The following EML1 variants were observed in gnomAD, a reference collection of about 807,000 sequenced individuals.
The protein encoded by EML1 is echinoderm microtubule-associated protein-like 1.
A neutral mutation model predicts 110.4 loss-of-function variants in EML1; 27 were observed. That is an observed-to-expected ratio of 0.24 (90% CI 0.18 to 0.34). The LOEUF (loss-of-function observed/expected upper bound fraction) is 0.34. EML1 is among the 10% of genes least tolerant of loss of function. The pLI is 1.00. For synonymous variants in EML1, 344 were observed against 385.8 expected (o/e 0.89, Z 1.27); for missense variants, 741 against 1,030.9 (o/e 0.72, Z 3.85).
chr14:99,841,125 G>C (rs776182546), intron 1 of EML1, among the ~76,000 whole-genome samples: 1 of 152,206 alleles, frequency 6.6e-6, no homozygotes, highest in Admixed American at 6.5e-5. Flanking sequence ...GCCACTGGTC[G>C]TGTGCTGCCA....
At chr14:99,809,885 G>C (rs1262177146) in intron 1 of EML1, among the ~76,000 whole-genome samples, 1 of 152,178 alleles carries the variant, frequency 6.6e-6, no homozygotes, top group Non-Finnish European at 1.5e-5. Context: ...CTAATGTATG[G>C]TGTATGCCCT....
Position 99,747,426 on chromosome 14 carries a change from G to T in EML1, c.28+9566G>T, listed in dbSNP as rs377515069. On this transcript the variant is annotated intron_variant, in intron 1 of 10. Coordinates refer to the EML1 transcript ENST00000554479. ...GAATGGCAGCTGTCTGGCCTGATGG[G>T]GGGCAGGGGTCTGAGGGGGAAGGAG... Among the ~76,000 whole-genome samples, 655 of 152,192 alleles carry T rather than the reference G, an allele frequency of 4.3e-3. 6 individuals carry two copies. Among genetic ancestry groups the T allele is most frequent in the African/African-American group, 0.015 (616 of 41,506 alleles).
chr14:99,862,236 T>G (rs1262538004), intron 2 of EML1, among the ~76,000 whole-genome samples: 1 of 152,204 alleles, frequency 6.6e-6, no homozygotes, highest in Non-Finnish European at 1.5e-5. Context: ...TAAAGTGCCA[T>G]TCTCATCTTA....
chr14:99,795,275 C>G (rs1441933722), intron 1 of EML1, among the ~76,000 whole-genome samples: 1 of 152,182 alleles, frequency 6.6e-6, no homozygotes, highest in Non-Finnish European at 1.5e-5. Context: ...CTTTTAATTG[C>G]CAGCCTAGAG....
At position 99,914,268 on chromosome 14, in the gene EML1, G is replaced by A; in HGVS notation, c.1584G>A (p.Gln528=). ...LIGTTRNFVL[Q]GTLSGDFTPI... is the part of the protein sequence containing the mutation. Reference sequence around the variant, plus strand: ...GCACAACTCGAAACTTTGTCCTGCAGGGCACTCTGTCAGGGGACTTCACAC... The same window carrying A: ...GCACAACTCGAAACTTTGTCCTGCAAGGCACTCTGTCAGGGGACTTCACAC... The change falls in exon 14 of 22, where the codon CAG becomes CAA. Residue 528 remains glutamine (Q), a synonymous_variant. Coordinates refer to ENST00000262233, the MANE Select transcript of EML1 (RefSeq NM_004434.3). 1 of 1,613,810 alleles carries A rather than the reference G, an allele frequency of 6.2e-7. No individual in the cohort carries two copies. The highest frequency in any genetic ancestry group is 2.2e-5 in the East Asian group (1 of 44,878).
At chr14:99,817,510 C>T (rs935680907) in intron 1 of EML1, among the ~76,000 whole-genome samples, 6 of 152,214 alleles carry the variant, frequency 3.9e-5, no homozygotes, top group Non-Finnish European at 7.3e-5. Context: ...GCCACCATGG[C>T]TCCCGCAGCA....
Position 99,938,910 on chromosome 14 carries a change from C to G in EML1, c.2192-287C>G, listed in dbSNP as rs527731517. ...AACTGGGGTTCCTGGTACTGTCTGC[C>G]TTGGCCTCAAGATGAGGCCTCAAAA... On this transcript the variant is annotated intron_variant, in intron 20 of 21. Transcript: ENST00000262233. Among the ~76,000 whole-genome samples the G allele has an allele frequency of 2.6e-4, 40 of 152,314 alleles. 1 individual carries two copies. The South Asian group carries it at 8.1e-3, about 31-fold the overall frequency.
chr14:99,881,728 G>A (rs2059387744), intron 4 of EML1, among the ~76,000 whole-genome samples: 1 of 151,858 alleles, frequency 6.6e-6, no homozygotes, highest in South Asian at 2.1e-4. Context: ...AGCCTCCCGA[G>A]AAGCTGGGAC....
chr14:99,820,573 C>T (rs78868761), intron 1 of EML1, among the ~76,000 whole-genome samples: 2,468 of 152,248 alleles, frequency 0.016, 77 homozygotes, highest in African/African-American at 0.057. Context: ...AGGCAAAATA[C>T]GAAACCAAAG....
At chr14:99,738,147 A>G (rs910285834) in intron 1 of EML1, among the ~76,000 whole-genome samples, 1 of 152,148 alleles carries the variant, frequency 6.6e-6, no homozygotes, top group Non-Finnish European at 1.5e-5. Flanking sequence ...CCCAGGACAG[A>G]GGGGCAGGGG....
intron 1 of EML1, among the ~76,000 whole-genome samples, chr14:99,826,645 A>G (rs2058364762): frequency 6.6e-6 from 1 of 152,068 alleles, no homozygotes; most frequent in Admixed American, 6.5e-5. Flanking sequence ...TTGTTCATTG[A>G]CTAACGCCAC....
chr14:99,799,254 C>T (rs976873743), intron 1 of EML1, among the ~76,000 whole-genome samples: 2 of 152,090 alleles, frequency 1.3e-5, no homozygotes, highest in African/African-American at 4.8e-5. Context: ...GTTTTAATTT[C>T]TAAACATTTA....
intron 1 of EML1, among the ~76,000 whole-genome samples, chr14:99,763,497 A>C (rs2057336600): frequency 1.3e-5 from 2 of 152,168 alleles, no homozygotes; most frequent in African/African-American, 4.8e-5. Context: ...ACTCCCGGTG[A>C]TAAGGTGGGG....
chr14:99,889,582 G>A lies in EML1; in HGVS notation c.519-1617G>A, dbSNP rs538940754. Among the ~76,000 whole-genome samples the A allele has an allele frequency of 1.6e-4, 25 of 152,316 alleles. No homozygotes were observed. In the East Asian group the frequency reaches 3.1e-3, roughly 19 times the overall value. On this transcript the variant is annotated intron_variant, in intron 4 of 21. Coordinates refer to ENST00000262233, the MANE Select transcript of EML1 (RefSeq NM_004434.3). ...GAGGAGGGTTTCAGTATGGAGCAGC[G>A]AACATGAATCCGTACGCACGGCTAC...
chr14:99,842,480 G>A (rs914147830), intron 1 of EML1, among the ~76,000 whole-genome samples: 1 of 152,138 alleles, frequency 6.6e-6, no homozygotes, highest in South Asian at 2.1e-4. Context: ...ACAGGTTAAA[G>A]CAATGATTTT....
rs74321117 is a variant in EML1 at position 99,873,492 on chromosome 14, A to G, written c.384-4993A>G. ...TTTCTCTATTATTCCGATCCATTGA[A>G]ACGTAGGTGATAAATCCATGTTTGA... On this transcript the variant is annotated intron_variant, in intron 3 of 21. Coordinates refer to ENST00000262233, the MANE Select transcript of EML1 (RefSeq NM_004434.3). 5.6e-3 allele frequency among the ~76,000 whole-genome samples: 847 copies of G among 152,330 alleles called. 11 individuals carry two copies. The highest frequency in any genetic ancestry group is 0.019 in the African/African-American group (771 of 41,574).
At position 99,892,547 on chromosome 14, in the gene EML1, G is replaced by A. The variant is rs141416861; in HGVS notation, c.547+1320G>A. ...CACTAGCGCCTTTGGGTTTGGTGGCGTGTGTGCTGTTATCCTAACCTGCCT... is the reference window on the plus strand; with the variant it reads ...CACTAGCGCCTTTGGGTTTGGTGGCATGTGTGCTGTTATCCTAACCTGCCT... On this transcript the variant is annotated intron_variant, in intron 5 of 21. Coordinates refer to ENST00000262233, the MANE Select transcript of EML1 (RefSeq NM_004434.3). 3.7e-3 allele frequency among the ~76,000 whole-genome samples: 559 copies of A among 152,220 alleles called. 1 individual carries two copies. Among genetic ancestry groups the A allele is most frequent in the Non-Finnish European group, 5.9e-3 (398 of 68,020 alleles).
At chr14:99,813,927 A>G (rs754429294) in intron 1 of EML1, among the ~76,000 whole-genome samples, 4 of 152,222 alleles carry the variant, frequency 2.6e-5, no homozygotes, top group Non-Finnish European at 5.9e-5. Context: ...TGCCTGGGTC[A>G]GCTGCCCGGA....
chr14:99,801,472 G>A (rs1017151513), intron 1 of EML1, among the ~76,000 whole-genome samples: 10 of 151,608 alleles, frequency 6.6e-5, no homozygotes, highest in South Asian at 2.1e-4. Flanking sequence ...AAAATTAGCC[G>A]GGCGTGGTGG....
Sources: allele counts gnomAD v4.1 joint callset (sites outside exome capture counted in the v4.1 genomes callset), GRCh38; gene constraint gnomAD v4.1.1; transcripts MANE v1.5; gene names NCBI Gene and HGNC (gene_info 2026-07-23, HGNC 2026-07-21).